Variants in HEYL observed in about 807,000 individuals in gnomAD.
HEYL encodes hes related family bHLH transcription factor with YRPW motif like.
In HEYL, 12 loss-of-function variants were observed where a neutral mutation model predicts 18.6. The ratio of observed to expected loss-of-function variants is 0.65; its 90% confidence interval spans 0.41 to 1.05. The LOEUF (loss-of-function observed/expected upper bound fraction) is 1.05, where lower values mean the gene tolerates loss of function less well. HEYL is among the 50% of genes least tolerant of loss of function. HEYL has a pLI of 0.00. For synonymous variants in HEYL, 159 were observed against 179.6 expected, an observed-to-expected ratio of 0.89 and a Z score of 0.91; for missense variants, 420 against 444.7, an observed-to-expected ratio of 0.94 and a Z score of 0.50.
At position 39,630,144 on chromosome 1, in the gene HEYL, C is replaced by T. The variant is rs1646324012; in HGVS notation, c.313+83G>A. The T allele has an allele frequency of 1.7e-6, 2 of 1,203,406 alleles. 1 individual carries two copies. The highest frequency in any genetic ancestry group is 3.0e-5 in the African/African-American group (2 of 67,058). 74.5% of individuals were successfully genotyped at this position (1,203,406 alleles called of 1,614,324 possible). ...CTCCTCAGAGTGGGCAGCGTGTGGA[C>T]TTTGCTCACCAGCATATCCCCAGGG... On this transcript the variant is annotated intron_variant, in intron 4 of 4. Coordinates refer to ENST00000372852, the MANE Select transcript of HEYL (RefSeq NM_014571.4).
chr1:39,638,865 G>T (rs771408316), intron 1 of HEYL, among the ~76,000 whole-genome samples: 1 of 152,210 alleles, frequency 6.6e-6, no homozygotes, highest in Non-Finnish European at 1.5e-5. Context: ...TTACAGAACT[G>T]CGAGGTAGCA....
intron 1 of HEYL, chr1:39,633,931 C>A (rs1401575701): frequency 6.6e-6 from 1 of 152,400 alleles, no homozygotes; most frequent in Non-Finnish European, 1.5e-5. Context: ...AATGCTACGC[C>A]TTTATCATCT....
At position 39,625,535 on chromosome 1, in the gene HEYL, G is replaced by C. The variant is rs143934134; in HGVS notation, c.*972C>G. 1 of 152,316 alleles carries C rather than the reference G, an allele frequency of 6.6e-6. No individual in the cohort carries two copies. The highest frequency in any genetic ancestry group is 6.5e-5 in the Admixed American group (1 of 15,284). The allele number at this position is 152,316 out of a possible 1,614,324, so 9.4% of individuals were successfully genotyped here. A position where few individuals can be genotyped will look rare whatever the true frequency, so the allele number is the denominator to read the frequency against. On this transcript the variant is annotated 3_prime_UTR_variant, in exon 5 of 5. Coordinates refer to ENST00000372852, the MANE Select transcript of HEYL (RefSeq NM_014571.4). ...TCCAGCAGTCTGGGCTCTGTGAGCC[G>C]GATGCAAACCAGGCAGCACAGACGT...
intron 1 of HEYL, among the ~76,000 whole-genome samples, chr1:39,636,628 T>C (rs1646363493): frequency 6.6e-6 from 1 of 152,244 alleles, no homozygotes; most frequent in African/African-American, 2.4e-5. Flanking sequence ...TCCCGTCATG[T>C]AGATCTCAGA....
intron 1 of HEYL, among the ~76,000 whole-genome samples, chr1:39,635,379 T>C (rs928099155): frequency 1.3e-5 from 2 of 152,210 alleles, no homozygotes; most frequent in African/African-American, 4.8e-5. Flanking sequence ...TTCCGGGTAT[T>C]AGGTTAGCCT....
Position 39,629,936 on chromosome 1 carries a change from C to T in HEYL, c.313+291G>A, listed in dbSNP as rs72931416. ...ATTCAGGTGAATTCTTAATGAGGTC[C>T]TGGGTTGGACAAGAGTGGGACCCAT... On this transcript the variant is annotated intron_variant, in intron 4 of 4. Transcript: ENST00000372852. Among the ~76,000 whole-genome samples, 1,033 of 152,258 alleles carry T rather than the reference C, an allele frequency of 6.8e-3. 15 individuals are homozygous for T. The highest frequency in any genetic ancestry group is 0.024 in the African/African-American group (990 of 41,534).
rs1646301964 is a variant in HEYL, at chr1:39,626,854, T to TGGGGTAAGCAGGAGA, written c.625_639dup (p.Ser209_Pro213dup). The TGGGGTAAGCAGGAGA allele has an allele frequency of 1.9e-6, 3 of 1,585,438 alleles. No homozygotes were observed. The South Asian group carries it at 3.4e-5, about 18-fold the overall frequency. ...AGGGGAGCGGTTCGGAGGGCTGGGATGGGGTAAGCAGGAGAGGAGACACCG... is the reference window on the plus strand; with the variant it reads ...AGGGGAGCGGTTCGGAGGGCTGGGATGGGGTAAGCAGGAGAGGGGTAAGCAGGAGAGGAGACACCG... On this transcript the variant is annotated inframe_insertion, in exon 5 of 5. Transcript: ENST00000372852.
chr1:39,635,111 T>C (rs1646355823), intron 1 of HEYL, among the ~76,000 whole-genome samples: 1 of 152,228 alleles, frequency 6.6e-6, no homozygotes, highest in African/African-American at 2.4e-5. Context: ...TACTGCTATG[T>C]CTCTGGCTTT....
chr1:39,637,903 T>C (rs994392999), intron 1 of HEYL, among the ~76,000 whole-genome samples: 27 of 152,214 alleles, frequency 1.8e-4, no homozygotes, highest in African/African-American at 6.5e-4. Context: ...ACCTGGCAGG[T>C]CACTGACTGG....
At chr1:39,638,732 T>C (rs1646372247) in intron 1 of HEYL, among the ~76,000 whole-genome samples, 1 of 152,244 alleles carries the variant, frequency 6.6e-6, no homozygotes. Context: ...GGTGTGTACC[T>C]AGGCATGTGC....
At chr1:39,632,973 G>A in intron 1 of HEYL, 1 of 982,692 alleles carries the variant, frequency 1.0e-6, no homozygotes, top group Non-Finnish European at 1.2e-6. Context: ...CGGCCGTCGG[G>A]GAACCGCGTA....
At chr1:39,627,508 G>A (rs772608665) in intron 4 of HEYL, among the ~76,000 whole-genome samples, 7 of 152,230 alleles carry the variant, frequency 4.6e-5, no homozygotes, top group Middle Eastern at 3.2e-3. Flanking sequence ...GTAGATACTT[G>A]ACAGATATGA....
chr1:39,632,348 A>G (rs1440103399), intron 2 of HEYL, among the ~76,000 whole-genome samples: 1 of 152,258 alleles, frequency 6.6e-6, no homozygotes, highest in African/African-American at 2.4e-5. Flanking sequence ...AACAACAATC[A>G]TAATGGCCTA....
At chr1:39,631,354 T>TA in intron 3 of HEYL, 142 bp downstream of exon 3, 1 of 688,490 alleles carries the variant, frequency 1.5e-6, no homozygotes, top group South Asian at 1.7e-5. Context: ...CCATTCCTTT[T>TA]ACCCTGGCCA....
chr1:39,628,785 G>C (rs1047436755), intron 4 of HEYL, among the ~76,000 whole-genome samples: 2 of 151,616 alleles, frequency 1.3e-5, no homozygotes, highest in Non-Finnish European at 2.9e-5. Context: ...TGTATTTTTA[G>C]TAGAGATGGG....
chr1:39,628,516 T>C (rs996853258), intron 4 of HEYL, among the ~76,000 whole-genome samples: 19 of 152,104 alleles, frequency 1.2e-4, no homozygotes, highest in African/African-American at 4.6e-4. Flanking sequence ...TGACCTCAGG[T>C]GATCCGCCCA....
At chr1:39,631,394 T>G (rs928796148) in intron 3 of HEYL, 102 bp downstream of exon 3, 2 of 934,372 alleles carry the variant, frequency 2.1e-6, no homozygotes, top group African/African-American at 3.2e-5. Context: ...GATCACAGCA[T>G]CTCAGGCAGC....
chr1:39,628,481 G>A (rs1168267982), intron 4 of HEYL, among the ~76,000 whole-genome samples: 1 of 152,192 alleles, frequency 6.6e-6, no homozygotes, highest in African/African-American at 2.4e-5. Context: ...GTTTCACCAT[G>A]TTGGCCAGGT....
At position 39,632,918 on chromosome 1, in the gene HEYL, G is replaced by A. The variant is rs1440626114; in HGVS notation, c.81-203C>T. On this transcript the variant is annotated intron_variant, in intron 1 of 4. Transcript: ENST00000372852. ...TTGGGCTCTTGGTCCGGACCTGCTC[G>A]GCCTCGCCCTTCGCCCCTCGCTCCT... The A allele has an allele frequency of 3.0e-6, 3 of 985,192 alleles. No homozygotes were observed. In the East Asian group the frequency reaches 3.4e-4, roughly 112 times the overall value. 61.0% of individuals were successfully genotyped at this position (985,192 alleles called of 1,614,324 possible). A position where few individuals can be genotyped will look rare whatever the true frequency, so the allele number is the denominator to read the frequency against.
Sources: allele counts gnomAD v4.1 joint callset (sites outside exome capture counted in the v4.1 genomes callset), GRCh38; gene constraint gnomAD v4.1.1; transcripts MANE v1.5; gene names NCBI Gene and HGNC (gene_info 2026-07-23, HGNC 2026-07-21).